MSRA: variants seen among roughly 807,000 people sequenced by gnomAD.
MSRA encodes methionine sulfoxide reductase A, also known as mitochondrial peptide methionine sulfoxide reductase.
MSRA carries 54 observed loss-of-function variants against 31.3 expected under a neutral mutation model. That is an observed-to-expected ratio of 1.73 (90% confidence interval 1.39 to 2.17). The LOEUF is 2.17. Ranked by LOEUF, MSRA falls within the 30% of genes most tolerant of loss-of-function variation. The probability of loss-of-function intolerance (pLI) is 0.00; values close to 1 mark genes in which losing one functional copy is unlikely to be tolerated. For synonymous variants in MSRA, 169 were observed against 116.5 expected, an observed-to-expected ratio of 1.45 and a Z score of -2.90; for missense variants, 507 against 300.9, an observed-to-expected ratio of 1.69 and a Z score of -5.07.
chr8:10,407,704 G>C (rs143135071), intron 5 of MSRA, among the ~76,000 whole-genome samples: 414 of 152,270 alleles, frequency 2.7e-3, no homozygotes, highest in African/African-American at 9.6e-3. Context: ...GAAGACTCTG[G>C]ATCCCAGGAA....
intron 5 of MSRA, among the ~76,000 whole-genome samples, chr8:10,362,028 A>G (rs1243632999): frequency 1.3e-5 from 2 of 152,046 alleles, no homozygotes; most frequent in East Asian, 3.9e-4. Flanking sequence ...TTTTGGCCCC[A>G]AGGAAGCAGA....
chr8:10,419,030 G>T (rs973277434), intron 5 of MSRA, among the ~76,000 whole-genome samples: 2 of 151,930 alleles, frequency 1.3e-5, no homozygotes, highest in African/African-American at 4.8e-5. Context: ...CATACATACG[G>T]CATCCTTGTG....
At chr8:10,262,107 G>A (rs566081577) in intron 3 of MSRA, among the ~76,000 whole-genome samples, 1 of 152,088 alleles carries the variant, frequency 6.6e-6, no homozygotes, top group African/African-American at 2.4e-5. Context: ...GGTACCATAG[G>A]TTATTTTATC....
chr8:10,423,306 T>TA (rs1200082062), intron 5 of MSRA, among the ~76,000 whole-genome samples: 1 of 152,076 alleles, frequency 6.6e-6, no homozygotes, highest in Non-Finnish European at 1.5e-5. Context: ...TCCAATTCGT[T>TA]AAGGAAAAGT....
intron 5 of MSRA, among the ~76,000 whole-genome samples, chr8:10,345,812 C>A (rs975130448): frequency 2.0e-5 from 3 of 152,192 alleles, no homozygotes; most frequent in African/African-American, 7.2e-5. Context: ...TAGGAGGAGA[C>A]TAAAAGGTCA....
intron 5 of MSRA, among the ~76,000 whole-genome samples, chr8:10,355,590 A>G (rs771064734): frequency 6.6e-6 from 1 of 152,158 alleles, no homozygotes; most frequent in Non-Finnish European, 1.5e-5. Flanking sequence ...TCTTCAGTAC[A>G]TACATGGCAG....
intron 1 of MSRA, among the ~76,000 whole-genome samples, chr8:10,193,041 T>C (rs1807649661): frequency 6.6e-6 from 1 of 152,188 alleles, no homozygotes; most frequent in East Asian, 1.9e-4. Flanking sequence ...TGACAGAAAA[T>C]AGAGATTACT....
chr8:10,214,831 AT>A (rs1809849080), intron 2 of MSRA, among the ~76,000 whole-genome samples: 1 of 152,162 alleles, frequency 6.6e-6, no homozygotes, highest in Non-Finnish European at 1.5e-5. Context: ...GATGCATTTT[AT>A]TTTATATATC....
intron 2 of MSRA, among the ~76,000 whole-genome samples, chr8:10,231,401 G>T (rs1811461667): frequency 6.6e-6 from 1 of 152,230 alleles, no homozygotes; most frequent in African/African-American, 2.4e-5. Context: ...AGAGACAGAA[G>T]ATATTGGCTT....
At chr8:10,330,006 A>ATTGTG (rs373964590) in intron 5 of MSRA, among the ~76,000 whole-genome samples, 3 of 135,378 alleles carry the variant, frequency 2.2e-5, no homozygotes, top group Non-Finnish European at 4.7e-5. Flanking sequence ...AGAGAAAAAA[A>ATTGTG]TGTGTGTGTG....
At chr8:10,306,773 C>T (rs1016411242) in intron 4 of MSRA, among the ~76,000 whole-genome samples, 1 of 152,074 alleles carries the variant, frequency 6.6e-6, no homozygotes, top group Non-Finnish European at 1.5e-5. Flanking sequence ...AGACTGAGTG[C>T]CTCGAGCCAA....
At chr8:10,212,285 C>G in intron 2 of MSRA, among the ~76,000 whole-genome samples, 1 of 152,078 alleles carries the variant, frequency 6.6e-6, no homozygotes, top group South Asian at 2.1e-4. Context: ...AACAATTATA[C>G]TGAAATAATG....
chr8:10,090,372 G>A (rs1256545317), intron 1 of MSRA, among the ~76,000 whole-genome samples: 1 of 152,168 alleles, frequency 6.6e-6, no homozygotes, highest in Non-Finnish European at 1.5e-5. Flanking sequence ...TAAGGCACTA[G>A]AATTAGCTGG....
At chr8:10,085,923 T>C (rs1384830013) in intron 1 of MSRA, among the ~76,000 whole-genome samples, 4 of 152,218 alleles carry the variant, frequency 2.6e-5, no homozygotes, top group Admixed American at 2.6e-4. Flanking sequence ...TTACTAGTAA[T>C]TGTTTCATTT....
chr8:10,318,895 G>A (rs1038527797), intron 4 of MSRA, among the ~76,000 whole-genome samples: 1 of 152,180 alleles, frequency 6.6e-6, no homozygotes, highest in African/African-American at 2.4e-5. Context: ...TTTGCAAGCA[G>A]TAGCAGTTCC....
intron 1 of MSRA, among the ~76,000 whole-genome samples, 189 bp downstream of exon 1, chr8:10,054,847 C>CT (rs1057107509): frequency 6.6e-6 from 1 of 152,178 alleles, no homozygotes; most frequent in African/African-American, 2.4e-5. Flanking sequence ...ACTGACGTCC[C>CT]TTTGTCTTTG....
intron 5 of MSRA, among the ~76,000 whole-genome samples, chr8:10,366,325 A>G (rs867460584): frequency 6.6e-6 from 1 of 152,218 alleles, no homozygotes; most frequent in African/African-American, 2.4e-5. Flanking sequence ...CTACAGTTTG[A>G]AACTCTGTGC....
intron 2 of MSRA, among the ~76,000 whole-genome samples, chr8:10,211,586 C>T (rs1398738645): frequency 6.6e-6 from 1 of 152,090 alleles, no homozygotes; most frequent in Non-Finnish European, 1.5e-5. Context: ...TGTGAGTGCC[C>T]CCTTGGCTCT....
intron 1 of MSRA, among the ~76,000 whole-genome samples, chr8:10,068,216 T>C (rs1354099459): frequency 1.3e-5 from 2 of 152,152 alleles, no homozygotes; most frequent in Non-Finnish European, 2.9e-5. Flanking sequence ...TTTGTATATT[T>C]TGGATATCCT....
Sources: gnomAD v4.1 joint callset for allele counts (sites outside exome capture counted in the v4.1 genomes callset) on GRCh38, gnomAD v4.1.1 for gene constraint, MANE v1.5 for transcripts, NCBI Gene and HGNC (gene_info 2026-07-23, HGNC 2026-07-21) for gene names.